The following PLEKHM3 variants were observed in gnomAD, a reference collection of about 807,000 sequenced individuals.
PLEKHM3 encodes pleckstrin homology domain-containing family M member 3.
A neutral mutation model predicts 81.8 loss-of-function variants in PLEKHM3; 45 were observed. The ratio of observed to expected loss-of-function variants is 0.55; its 90% confidence interval spans 0.43 to 0.71. The LOEUF is 0.71. Among genes scored for constraint, PLEKHM3 ranks in the 30% least tolerant of loss-of-function variants. The probability of loss-of-function intolerance (pLI) is 0.00; values close to 1 mark genes in which losing one functional copy is unlikely to be tolerated. For missense variants in PLEKHM3, 788 were observed against 924.3 expected, an observed-to-expected ratio of 0.85 and a Z score of 1.91; for synonymous variants, 352 against 356.4, an observed-to-expected ratio of 0.99 and a Z score of 0.14.
intron 7 of PLEKHM3, among the ~76,000 whole-genome samples, chr2:207,847,066 A>G (rs1358072140): frequency 1.3e-5 from 2 of 152,228 alleles, no homozygotes; most frequent in African/African-American, 4.8e-5. Flanking sequence ...GATCAATACA[A>G]TATTAACCAG....
chr2:207,943,640 G>A (rs1286907057), intron 4 of PLEKHM3, among the ~76,000 whole-genome samples: 1 of 151,862 alleles, frequency 6.6e-6, no homozygotes, highest in African/African-American at 2.4e-5. Context: ...AGGCCGAGGC[G>A]GGCGGATCAC....
intron 1 of PLEKHM3, among the ~76,000 whole-genome samples, chr2:208,014,879 T>C (rs10176919): frequency 0.054 from 8,156 of 152,276 alleles, 698 homozygotes; most frequent in African/African-American, 0.18. Flanking sequence ...GGGACTCAAA[T>C]AGTTGAATCA....
intron 1 of PLEKHM3, among the ~76,000 whole-genome samples, chr2:208,004,827 T>C (rs1348722731): frequency 2.0e-5 from 3 of 152,112 alleles, no homozygotes; most frequent in Non-Finnish European, 4.4e-5. Flanking sequence ...CAGTTTTTTG[T>C]TTGTTTGTTT....
intron 5 of PLEKHM3, among the ~76,000 whole-genome samples, chr2:207,917,978 G>T (rs1689051298): frequency 6.6e-6 from 1 of 152,032 alleles, no homozygotes; most frequent in Non-Finnish European, 1.5e-5. Flanking sequence ...GATTTTTTAG[G>T]GGGTGAGGGG....
chr2:207,957,253 T>A (rs1160749724), intron 3 of PLEKHM3, among the ~76,000 whole-genome samples: 1 of 152,220 alleles, frequency 6.6e-6, no homozygotes, highest in Non-Finnish European at 1.5e-5. Context: ...TCCCCCTTAT[T>A]GTAAAAATCA....
chr2:207,930,852 G>A, intron 5 of PLEKHM3, 74 bp downstream of exon 5: 2 of 1,532,268 alleles, frequency 1.3e-6, no homozygotes, highest in Non-Finnish European at 1.8e-6. Flanking sequence ...AAGGCCCTTT[G>A]GAGATAATCT....
intron 3 of PLEKHM3, among the ~76,000 whole-genome samples, chr2:207,974,231 C>G (rs1408165536): frequency 1.3e-5 from 2 of 152,092 alleles, no homozygotes; most frequent in African/African-American, 4.8e-5. Context: ...TACTCAGCTT[C>G]CTTCTCCTTC....
At chr2:208,006,320 T>C (rs1256759904) in intron 1 of PLEKHM3, among the ~76,000 whole-genome samples, 1 of 152,180 alleles carries the variant, frequency 6.6e-6, no homozygotes, top group Non-Finnish European at 1.5e-5. Flanking sequence ...TATATTCAGA[T>C]AGGTCAAAAT....
chr2:207,888,546 G>A (rs554734086), intron 6 of PLEKHM3, among the ~76,000 whole-genome samples: 1 of 152,154 alleles, frequency 6.6e-6, no homozygotes, highest in South Asian at 2.1e-4. Flanking sequence ...ACAGGCGCCC[G>A]CCACCAAACC....
chr2:207,953,297 A>T (rs1358605187), intron 3 of PLEKHM3, among the ~76,000 whole-genome samples: 1 of 152,214 alleles, frequency 6.6e-6, no homozygotes, highest in Non-Finnish European at 1.5e-5. Context: ...AAAACTTCAC[A>T]GTTGGGAGGA....
At chr2:207,888,685 T>C (rs1283433626) in intron 6 of PLEKHM3, among the ~76,000 whole-genome samples, 1 of 152,194 alleles carries the variant, frequency 6.6e-6, no homozygotes, top group Non-Finnish European at 1.5e-5. Flanking sequence ...TAAGCCACCA[T>C]GCCAGCCCCT....
chr2:207,961,913 A>G (rs1690748261), intron 3 of PLEKHM3, among the ~76,000 whole-genome samples: 1 of 152,200 alleles, frequency 6.6e-6, no homozygotes, highest in Non-Finnish European at 1.5e-5. Context: ...CACATCATTC[A>G]TCCTCCTTTC....
At chr2:208,024,519 T>C (rs1180648351) in intron 1 of PLEKHM3, among the ~76,000 whole-genome samples, 1 of 152,230 alleles carries the variant, frequency 6.6e-6, no homozygotes, top group African/African-American at 2.4e-5. Context: ...ACTAGATATA[T>C]AGCCCAGCTT....
At chr2:207,848,263 A>C (rs1390271065) in intron 7 of PLEKHM3, among the ~76,000 whole-genome samples, 1 of 152,092 alleles carries the variant, frequency 6.6e-6, no homozygotes, top group Non-Finnish European at 1.5e-5. Context: ...TTGCCTAAAC[A>C]CTTAACATGA....
At chr2:207,871,606 C>T (rs546996545) in intron 6 of PLEKHM3, among the ~76,000 whole-genome samples, 1 of 152,246 alleles carries the variant, frequency 6.6e-6, no homozygotes, top group South Asian at 2.1e-4. Flanking sequence ...CGAGAAGGCA[C>T]ATTTCTTATC....
intron 6 of PLEKHM3, among the ~76,000 whole-genome samples, chr2:207,870,621 T>G (rs2092528536): frequency 6.6e-6 from 1 of 152,174 alleles, no homozygotes; most frequent in Non-Finnish European, 1.5e-5. Context: ...GTTTCTAGGG[T>G]CATTTCTCAG....
intron 3 of PLEKHM3, among the ~76,000 whole-genome samples, chr2:207,974,708 T>C (rs4502388): frequency 0.14 from 20,687 of 152,208 alleles, 1,563 homozygotes; most frequent in African/African-American, 0.17. Flanking sequence ...GTCAGTAATT[T>C]CTATTTTTTT....
At chr2:207,903,257 G>A (rs1265248588) in intron 6 of PLEKHM3, among the ~76,000 whole-genome samples, 1 of 152,124 alleles carries the variant, frequency 6.6e-6, no homozygotes, top group Non-Finnish European at 1.5e-5. Flanking sequence ...TAAAGGTAGG[G>A]TCTCATTTGG....
chr2:207,937,594 G>A (rs1689798502), intron 4 of PLEKHM3, among the ~76,000 whole-genome samples: 1 of 149,890 alleles, frequency 6.7e-6, no homozygotes. Context: ...AAAATTCCAA[G>A]GCATTAAAAA....
Sources: allele counts gnomAD v4.1 joint callset (sites outside exome capture counted in the v4.1 genomes callset), GRCh38; gene constraint gnomAD v4.1.1; transcripts MANE v1.5; gene names NCBI Gene and HGNC (gene_info 2026-07-23, HGNC 2026-07-21).